Variants in A2ML1 observed in about 807,000 individuals in gnomAD.
A2ML1 encodes the protein alpha-2-macroglobulin like 1.
In A2ML1, 161 loss-of-function variants were observed where a neutral mutation model predicts 181.9. The observed-to-expected ratio is 0.89, with a 90% CI of 0.78 to 1.01. A2ML1 has a LOEUF of 1.01. Among genes scored for constraint, A2ML1 ranks in the 50% least tolerant of loss-of-function variants. The pLI, the probability that A2ML1 is intolerant of heterozygous loss-of-function variation, is 0.00. For synonymous variants in A2ML1, 663 were observed against 666.8 expected (o/e 0.99, Z 0.09); for missense variants, 1,670 against 1,768.1 (o/e 0.94, Z 1.00).
intron 13 of A2ML1, 27 bp downstream of exon 13, chr12:8,845,529 C>T (rs746305796): frequency 6.2e-7 from 1 of 1,613,024 alleles, no homozygotes; most frequent in Non-Finnish European, 8.5e-7. Context: ...TTCCCGGAAG[C>T]AAACAGGATA....
rs749829095 is a variant in A2ML1 at position 8,838,332 on chromosome 12, C to T, written c.856-4C>T. 4 of 1,610,132 alleles carry T rather than the reference C, an allele frequency of 2.5e-6. No homozygotes were observed. The highest frequency in any genetic ancestry group is 1.1e-5 in the South Asian group (1 of 90,758). ...TCTATCTCTGTCTCTGATCACCTCACTAGACTGACAAAACAGGATGTTTCT... is the reference window on the plus strand; with the variant it reads ...TCTATCTCTGTCTCTGATCACCTCATTAGACTGACAAAACAGGATGTTTCT... On this transcript the variant is annotated splice_region_variant and splice_polypyrimidine_tract_variant and intron_variant, in intron 8 of 35. Coordinates refer to ENST00000299698, the MANE Select transcript of A2ML1 (RefSeq NM_144670.6).
chr12:8,868,734 C>CAG, intron 32 of A2ML1, 107 bp downstream of exon 32: 1 of 818,868 alleles, frequency 1.2e-6, no homozygotes, highest in Non-Finnish European at 2.0e-6. Context: ...CACACACACA[C>CAG]AAGGCATGTA....
chr12:8,860,836 C>G (rs904869681), intron 26 of A2ML1, 45 bp from the exon 27 acceptor site: 1 of 1,545,514 alleles, frequency 6.5e-7, no homozygotes, highest in Non-Finnish European at 8.9e-7. Context: ...ATTCTTGCAG[C>G]TGCTGCCTGC....
chr12:8,833,497 A>G (rs1176448400), intron 4 of A2ML1, among the ~76,000 whole-genome samples: 2 of 152,086 alleles, frequency 1.3e-5, no homozygotes, highest in African/African-American at 4.8e-5. Context: ...TCCGGGTTCA[A>G]GTGATTCTTC....
intron 3 of A2ML1, among the ~76,000 whole-genome samples, chr12:8,824,238 T>TG (rs1276604538): frequency 6.7e-6 from 1 of 148,486 alleles, no homozygotes; most frequent in African/African-American, 2.5e-5. Context: ...TTTTTTTTTT[T>TG]TTTTTTTTTT....
chr12:8,852,618 T>C lies in A2ML1; in HGVS notation c.2590+282T>C, dbSNP rs1011064276. Reference sequence around the variant, plus strand: ...CATGTAACTAATCAAGGACTTACTATAAGAGTCCCTGGGCCAGGCACTATT... The same window carrying C: ...CATGTAACTAATCAAGGACTTACTACAAGAGTCCCTGGGCCAGGCACTATT... On this transcript the variant is annotated intron_variant, in intron 20 of 35. Transcript: ENST00000299698. This position sits in a 1 kb window ranked among gnomAD's most constrained non-coding sequence, Gnocchi z 4.2. Among the ~76,000 whole-genome samples, 3 of 152,238 alleles carry C rather than the reference T, an allele frequency of 2.0e-5. No individual in the cohort carries two copies. The highest frequency in any genetic ancestry group is 4.4e-5 in the Non-Finnish European group (3 of 68,040).
chr12:8,823,580 G>A (rs773523351), intron 2 of A2ML1, 140 bp from the exon 3 acceptor site: 83 of 1,105,334 alleles, frequency 7.5e-5, no homozygotes, highest in African/African-American at 1.4e-4. Context: ...ATTCTTCCTC[G>A]TGGTAATTTG....
chr12:8,829,158 C>T (rs1359503534), intron 3 of A2ML1, among the ~76,000 whole-genome samples: 9 of 152,118 alleles, frequency 5.9e-5, no homozygotes, highest in African/African-American at 1.7e-4. Context: ...TGCTGTTTTG[C>T]GTGGGCAGTT....
At chr12:8,836,714 C>A (rs112389824) in intron 7 of A2ML1, among the ~76,000 whole-genome samples, 18,787 of 152,088 alleles carry the variant, frequency 0.12, 1,363 homozygotes, top group Non-Finnish European at 0.17. Context: ...GGACTCCTGA[C>A]CTCAGGTGAT....
intron 3 of A2ML1, among the ~76,000 whole-genome samples, chr12:8,824,721 AT>A (rs1313322354): frequency 6.8e-6 from 1 of 148,064 alleles, no homozygotes; most frequent in Admixed American, 6.9e-5. Context: ...TTTCAAAAAA[AT>A]TTTTTTCCTT....
At position 8,824,947 on chromosome 12, in the gene A2ML1, T is replaced by C. The variant is rs777984501; in HGVS notation, c.409+1065T>C. Among the ~76,000 whole-genome samples the C allele has an allele frequency of 5.8e-4, 89 of 152,292 alleles. 1 individual carries two copies. Among genetic ancestry groups the C allele is most frequent in the African/African-American group, 2.1e-3 (87 of 41,562 alleles). ...ATTCTTTTTTATGGCTGAATAGTACTCCATTATGTATGTGTACCACATTTT... is the reference window on the plus strand; with the variant it reads ...ATTCTTTTTTATGGCTGAATAGTACCCCATTATGTATGTGTACCACATTTT... On this transcript the variant is annotated intron_variant, in intron 3 of 35. Transcript: ENST00000299698.
chr12:8,854,369 C>T, intron 21 of A2ML1, 120 bp downstream of exon 21: 1 of 1,425,040 alleles, frequency 7.0e-7, no homozygotes, highest in African/African-American at 1.4e-5. Flanking sequence ...CTTCAACTTT[C>T]TCCTTCCCTG....
chr12:8,837,202 TAG>T (rs1242204806), intron 7 of A2ML1, among the ~76,000 whole-genome samples: 1 of 152,098 alleles, frequency 6.6e-6, no homozygotes, highest in Admixed American at 6.6e-5. Flanking sequence ...GTATTTTTAG[TAG>T]AGACAGGATC....
At chr12:8,856,898 C>CTTTTTTTTTTTTTT (rs71891886) in intron 23 of A2ML1, among the ~76,000 whole-genome samples, 14 of 124,964 alleles carry the variant, frequency 1.1e-4, no homozygotes, top group East Asian at 2.5e-4. Context: ...ACAGTAGGTA[C>CTTTTTTTTTTTTTT]TTTTTTTTTT....
chr12:8,867,321 C>T (rs1216355587), intron 29 of A2ML1, among the ~76,000 whole-genome samples: 1 of 152,168 alleles, frequency 6.6e-6, no homozygotes, highest in Non-Finnish European at 1.5e-5. Context: ...TGTGGATGTT[C>T]AGTAGTACCT....
At chr12:8,834,127 A>C (rs980908206) in intron 4 of A2ML1, among the ~76,000 whole-genome samples, 17 of 152,128 alleles carry the variant, frequency 1.1e-4, no homozygotes, top group Admixed American at 1.1e-3. Flanking sequence ...TAATGGTTTC[A>C]CATCTATTTA....
intron 3 of A2ML1, among the ~76,000 whole-genome samples, chr12:8,829,394 G>A (rs1211121592): frequency 6.6e-6 from 1 of 152,154 alleles, no homozygotes; most frequent in African/African-American, 2.4e-5. Flanking sequence ...GGAGCGCGGT[G>A]GCTCACGCCT....
chr12:8,874,020 T>A (rs758639460), intron 33 of A2ML1, among the ~76,000 whole-genome samples: 23 of 151,298 alleles, frequency 1.5e-4, no homozygotes, highest in East Asian at 5.9e-4. Context: ...AAAAAAAAAA[T>A]TTTTTTTTAA....
In A2ML1 at chr12:8,868,445, TGTGTGTGTGTAC is replaced by T. The variant is rs976516258; in HGVS notation, c.4062-81_4062-70del. Reference sequence around the variant, plus strand: ...ACTTGTGTGTGTGTGTGTCTGTGTATGTGTGTGTGTACGTGTGTGTGTGTGTGTGTTGGGGAT... The same window carrying T: ...ACTTGTGTGTGTGTGTGTCTGTGTATGTGTGTGTGTGTGTGTGTTGGGGAT... On this transcript the variant is annotated intron_variant, in intron 31 of 35. Coordinates refer to ENST00000299698, the MANE Select transcript of A2ML1 (RefSeq NM_144670.6). 7.9e-5 allele frequency: 119 copies of T among 1,512,688 alleles called. No homozygotes were observed. The East Asian group carries it at 2.6e-3, about 33-fold the overall frequency. 93.7% of individuals were successfully genotyped at this position (1,512,688 alleles called of 1,614,324 possible). A position where few individuals can be genotyped will look rare whatever the true frequency, so the allele number is the denominator to read the frequency against.
Sources: gnomAD v4.1 joint callset for allele counts (sites outside exome capture counted in the v4.1 genomes callset) on GRCh38, gnomAD v4.1.1 for gene constraint, Gnocchi (gnomAD v3.1) non-coding constraint, MANE v1.5 for transcripts, NCBI Gene and HGNC (gene_info 2026-07-23, HGNC 2026-07-21) for gene names.